PARD3: variants seen among roughly 807,000 people sequenced by gnomAD.
PARD3 encodes par-3 family cell polarity regulator.
In PARD3, 75 loss-of-function variants were observed where a neutral mutation model predicts 155.4. That is an observed-to-expected ratio of 0.48 (90% CI 0.40 to 0.58). The LOEUF (loss-of-function observed/expected upper bound fraction) is 0.58, where lower values mean the gene tolerates loss of function less well. Among genes scored for constraint, PARD3 ranks in the 20% least tolerant of loss-of-function variants. The pLI, the probability that PARD3 is intolerant of heterozygous loss-of-function variation, is 0.00. For synonymous variants in PARD3, 576 were observed against 610.5 expected (o/e 0.94, Z 0.83); for missense variants, 1,642 against 1,721.7 (o/e 0.95, Z 0.82).
At chr10:34,318,245 A>T (rs1958140595) in intron 19 of PARD3, among the ~76,000 whole-genome samples, 1 of 152,242 alleles carries the variant, frequency 6.6e-6, no homozygotes, top group Non-Finnish European at 1.5e-5. Context: ...TCTATTAAAT[A>T]AGAAGCAGAG....
intron 4 of PARD3, among the ~76,000 whole-genome samples, chr10:34,467,282 G>T (rs1268351604): frequency 6.6e-6 from 1 of 151,360 alleles, no homozygotes; most frequent in Non-Finnish European, 1.5e-5. Context: ...GAAAAATAAT[G>T]TTGAAATAAT....
At chr10:34,786,003 T>C (rs190555302) in intron 1 of PARD3, among the ~76,000 whole-genome samples, 1 of 152,194 alleles carries the variant, frequency 6.6e-6, no homozygotes, top group East Asian at 1.9e-4. Context: ...AAAGGAACAG[T>C]GTCTTCCCTG....
At chr10:34,364,295 G>A (rs746405384) in intron 12 of PARD3, among the ~76,000 whole-genome samples, 24 of 152,096 alleles carry the variant, frequency 1.6e-4, no homozygotes, top group Non-Finnish European at 2.6e-4. Context: ...AATGATAGAA[G>A]ACCATAAAAT....
intron 4 of PARD3, among the ~76,000 whole-genome samples, chr10:34,467,341 G>A (rs962387337): frequency 1.3e-5 from 2 of 151,502 alleles, no homozygotes; most frequent in Admixed American, 6.6e-5. Flanking sequence ...GTGTGTGTGT[G>A]TGTGTGTGTG....
chr10:34,403,432 A>G (rs1395948076), intron 5 of PARD3, among the ~76,000 whole-genome samples: 1 of 152,246 alleles, frequency 6.6e-6, no homozygotes, highest in African/African-American at 2.4e-5. Context: ...TAGGAACAAC[A>G]GATAAGCAAG....
At chr10:34,486,609 T>C (rs1400601397) in intron 3 of PARD3, among the ~76,000 whole-genome samples, 1 of 152,218 alleles carries the variant, frequency 6.6e-6, no homozygotes, top group African/African-American at 2.4e-5. Context: ...ACAAGGTAGC[T>C]TTGGATGAGG....
intron 22 of PARD3, among the ~76,000 whole-genome samples, chr10:34,243,320 A>G (rs774496168): frequency 2.0e-4 from 31 of 152,204 alleles, no homozygotes; most frequent in East Asian, 3.9e-4. Context: ...ATCCTTATGC[A>G]TATGTAACAT....
intron 22 of PARD3, among the ~76,000 whole-genome samples, chr10:34,136,552 G>T (rs956327132): frequency 6.6e-6 from 1 of 152,124 alleles, no homozygotes; most frequent in Non-Finnish European, 1.5e-5. Flanking sequence ...TAGCAGGGGG[G>T]AGAAAAGGAA....
At chr10:34,771,007 G>C (rs942119526) in intron 1 of PARD3, among the ~76,000 whole-genome samples, 1 of 152,128 alleles carries the variant, frequency 6.6e-6, no homozygotes, top group African/African-American at 2.4e-5. Context: ...CGGAGATGCA[G>C]AACTCCCTGT....
chr10:34,586,389 A>T (rs1163094510), intron 2 of PARD3, among the ~76,000 whole-genome samples: 2 of 152,146 alleles, frequency 1.3e-5, no homozygotes, highest in African/African-American at 4.8e-5. Context: ...TGACTTCCAT[A>T]AGGGAACCTG....
intron 22 of PARD3, among the ~76,000 whole-genome samples, chr10:34,168,837 T>C (rs1378310904): frequency 6.6e-6 from 1 of 152,220 alleles, no homozygotes; most frequent in Non-Finnish European, 1.5e-5. Flanking sequence ...AGGGCATTAA[T>C]TATGCCATAC....
intron 22 of PARD3, among the ~76,000 whole-genome samples, chr10:34,242,750 A>G (rs1274542820): frequency 6.6e-6 from 1 of 152,172 alleles, no homozygotes; most frequent in Non-Finnish European, 1.5e-5. Flanking sequence ...CCTGACCAAC[A>G]TGGTGAAACT....
rs1387505653 is a variant in PARD3 at position 34,145,217 on chromosome 10, A to ATTTTT, written c.3420-13635_3420-13634insAAAAA. On this transcript the variant is annotated intron_variant, in intron 22 of 24. Transcript: ENST00000374788. ...TATATATATATATATATATATATAT[A>ATTTTT]TATATTTTTTTTTTTTTTTTTTTTA... Among the ~76,000 whole-genome samples, 127 of 57,920 alleles carry ATTTTT rather than the reference A, an allele frequency of 2.2e-3. 1 individual carries two copies. The highest frequency in any genetic ancestry group is 2.6e-3 in the Non-Finnish European group (82 of 32,058). The allele number at this position is 57,920 out of a possible 152,430, so 38.0% of individuals were successfully genotyped here. A position where few individuals can be genotyped will look rare whatever the true frequency, so the allele number is the denominator to read the frequency against.
chr10:34,464,868 G>A (rs2077904047), intron 4 of PARD3, among the ~76,000 whole-genome samples: 1 of 152,096 alleles, frequency 6.6e-6, no homozygotes, highest in South Asian at 2.1e-4. Flanking sequence ...ACATCAAAAT[G>A]TCATTACTAC....
intron 3 of PARD3, among the ~76,000 whole-genome samples, chr10:34,516,289 T>G (rs2081761351): frequency 6.6e-6 from 1 of 152,180 alleles, no homozygotes; most frequent in Non-Finnish European, 1.5e-5. Flanking sequence ...CCTTACACAT[T>G]TATTGAAATT....
At chr10:34,594,480 C>T (rs2089048710) in intron 2 of PARD3, among the ~76,000 whole-genome samples, 1 of 152,128 alleles carries the variant, frequency 6.6e-6, no homozygotes, top group African/African-American at 2.4e-5. Context: ...AAAAGCTTTT[C>T]AACTCAGCTC....
chr10:34,435,984 AAAC>A, intron 5 of PARD3, among the ~76,000 whole-genome samples: 1 of 152,216 alleles, frequency 6.6e-6, no homozygotes, highest in Non-Finnish European at 1.5e-5. Flanking sequence ...AAGTATGCAA[AAAC>A]AACAACTATC....
At chr10:34,486,897 A>C (rs74132029) in intron 3 of PARD3, among the ~76,000 whole-genome samples, 4,663 of 152,212 alleles carry the variant, frequency 0.031, 237 homozygotes, top group African/African-American at 0.11. Flanking sequence ...GATTTTTAAA[A>C]ATGTGAACTT....
rs1388678678 is a variant in PARD3, at chr10:34,228,512, TG to T, written c.3419+41144del. Reference sequence around the variant, plus strand: ...AGCAAATCCACAGAAGCAGATAAGCTGGGGTGAGAACACTGCTGGGATTTTT... The same window carrying T: ...AGCAAATCCACAGAAGCAGATAAGCTGGGTGAGAACACTGCTGGGATTTTT... On this transcript the variant is annotated intron_variant, in intron 22 of 24. Coordinates refer to ENST00000374788, the MANE Select transcript of PARD3 (RefSeq NM_001184785.2). Among the ~76,000 whole-genome samples, 5 of 152,084 alleles carry T rather than the reference TG, an allele frequency of 3.3e-5. No homozygotes were observed. The South Asian group carries it at 1.0e-3, about 31-fold the overall frequency.
Sources: allele counts gnomAD v4.1 joint callset (sites outside exome capture counted in the v4.1 genomes callset), GRCh38; gene constraint gnomAD v4.1.1; transcripts MANE v1.5; gene names NCBI Gene and HGNC (gene_info 2026-07-23, HGNC 2026-07-21).